Variants in ZSWIM5 observed in about 807,000 individuals in gnomAD.
ZSWIM5 encodes the protein zinc finger SWIM-type containing 5.
In ZSWIM5, 55 loss-of-function variants were observed where a neutral mutation model predicts 119.6. The observed-to-expected ratio is 0.46, with a 90% CI of 0.37 to 0.58. The LOEUF is 0.58. Ranked by LOEUF, ZSWIM5 falls within the 20% of genes least tolerant of loss-of-function variation. The pLI, the probability that ZSWIM5 is intolerant of heterozygous loss-of-function variation, is 0.00. For missense variants in ZSWIM5, 1,193 were observed against 1,512.8 expected (o/e 0.79, Z 3.51); for synonymous variants, 537 against 606.9 (o/e 0.88, Z 1.69).
rs181913915 is a variant in ZSWIM5 at position 45,135,093 on chromosome 1, A to G, written c.596-46856T>C. Among the ~76,000 whole-genome samples the G allele has an allele frequency of 8.6e-5, 13 of 151,128 alleles. No homozygotes were observed. In the East Asian group the frequency reaches 1.2e-3, roughly 14 times the overall value. On this transcript the variant is annotated intron_variant, in intron 1 of 13. Transcript: ENST00000359600. ...GAATTCTTTTGGATATATACTCAGAAATGGGATTGCTAGATCATACGGTAA... is the reference window on the plus strand; with the variant it reads ...GAATTCTTTTGGATATATACTCAGAGATGGGATTGCTAGATCATACGGTAA...
intron 1 of ZSWIM5, among the ~76,000 whole-genome samples, chr1:45,142,955 G>A (rs564404821): frequency 1.9e-4 from 28 of 149,980 alleles, no homozygotes; most frequent in Admixed American, 6.0e-4. Flanking sequence ...CGGGTCACAC[G>A]AGCCCAGGAG....
intron 4 of ZSWIM5, among the ~76,000 whole-genome samples, chr1:45,054,367 G>C (rs1488844763): frequency 1.3e-5 from 2 of 151,942 alleles, no homozygotes; most frequent in Admixed American, 1.3e-4. Context: ...TGGATCACTT[G>C]AGGTCAGGAG....
chr1:45,086,149 C>T (rs561795469), intron 2 of ZSWIM5, among the ~76,000 whole-genome samples: 18 of 152,184 alleles, frequency 1.2e-4, no homozygotes, highest in African/African-American at 3.9e-4. Flanking sequence ...TGGCTGGAGC[C>T]GGAGGAAGAG....
chr1:45,050,505 T>C (rs2148997021), intron 5 of ZSWIM5, among the ~76,000 whole-genome samples: 1 of 152,304 alleles, frequency 6.6e-6, no homozygotes, highest in Non-Finnish European at 1.5e-5. Flanking sequence ...CGAATGCTGA[T>C]GTCAAGTGAT....
chr1:45,126,751 A>C (rs1427152797), intron 1 of ZSWIM5, among the ~76,000 whole-genome samples: 3 of 152,148 alleles, frequency 2.0e-5, no homozygotes, highest in Non-Finnish European at 2.9e-5. Flanking sequence ...AAAAAGGAAA[A>C]AAAAAATGAA....
intron 1 of ZSWIM5, among the ~76,000 whole-genome samples, chr1:45,145,102 A>G (rs1411858063): frequency 6.6e-6 from 1 of 152,196 alleles, no homozygotes; most frequent in African/African-American, 2.4e-5. Context: ...GCAAATTAAA[A>G]TCATTATGAA....
intron 2 of ZSWIM5, among the ~76,000 whole-genome samples, chr1:45,071,454 CTTTTTT>C (rs58028758): frequency 3.2e-5 from 3 of 93,752 alleles, no homozygotes; most frequent in African/African-American, 8.4e-5. Flanking sequence ...GACAGAATCT[CTTTTTT>C]TTTTTTTTTT....
intron 1 of ZSWIM5, among the ~76,000 whole-genome samples, chr1:45,131,464 C>G (rs2149030839): frequency 6.6e-6 from 1 of 152,218 alleles, no homozygotes; most frequent in African/African-American, 2.4e-5. Flanking sequence ...TGGCTCATGT[C>G]TGTAATTCTA....
intron 11 of ZSWIM5, among the ~76,000 whole-genome samples, chr1:45,026,388 T>C (rs1476786178): frequency 1.3e-5 from 2 of 151,842 alleles, no homozygotes; most frequent in Non-Finnish European, 2.9e-5. Context: ...GCAGTTCTCC[T>C]CTATTCCTAG....
intron 1 of ZSWIM5, among the ~76,000 whole-genome samples, chr1:45,184,963 CA>C (rs1414701691): frequency 2.0e-5 from 3 of 152,122 alleles, no homozygotes; most frequent in African/African-American, 7.2e-5. Flanking sequence ...GCCAAAAGAA[CA>C]AAGCTGGAGG....
chr1:45,109,724 G>A (rs959461980), intron 1 of ZSWIM5, among the ~76,000 whole-genome samples: 1 of 142,302 alleles, frequency 7.0e-6, no homozygotes, highest in East Asian at 2.0e-4. Context: ...CATCCTGGGC[G>A]ACAGAGCTAG....
At chr1:45,068,840 T>C (rs72888922) in intron 2 of ZSWIM5, among the ~76,000 whole-genome samples, 5,879 of 135,110 alleles carry the variant, frequency 0.044, 463 homozygotes, top group African/African-American at 0.16. Context: ...GATCTTTGTC[T>C]TCCAGGCTGG....
chr1:45,081,402 ACC>A (rs1310353252), intron 2 of ZSWIM5, among the ~76,000 whole-genome samples: 1 of 151,686 alleles, frequency 6.6e-6, no homozygotes, highest in East Asian at 1.9e-4. Flanking sequence ...GCTCACTGCA[ACC>A]TCCCTGCCTG....
intron 2 of ZSWIM5, among the ~76,000 whole-genome samples, chr1:45,070,841 A>C (rs1159588656): frequency 1.3e-5 from 2 of 152,212 alleles, no homozygotes; most frequent in Non-Finnish European, 2.9e-5. Context: ...GTTTTCAATC[A>C]ACAAACACTT....
chr1:45,128,938 A>G (rs1159985332), intron 1 of ZSWIM5, among the ~76,000 whole-genome samples: 1 of 152,132 alleles, frequency 6.6e-6, no homozygotes, highest in Non-Finnish European at 1.5e-5. Flanking sequence ...TATGCATTCA[A>G]AGTTCCTGCA....
At chr1:45,165,748 C>T (rs979637659) in intron 1 of ZSWIM5, among the ~76,000 whole-genome samples, 9 of 151,922 alleles carry the variant, frequency 5.9e-5, no homozygotes, top group African/African-American at 2.2e-4. Context: ...ACACATACAC[C>T]CTCCCAAGAC....
At chr1:45,144,799 A>G (rs1336708514) in intron 1 of ZSWIM5, among the ~76,000 whole-genome samples, 5 of 152,154 alleles carry the variant, frequency 3.3e-5, no homozygotes, top group African/African-American at 1.2e-4. Flanking sequence ...GACTCCATAA[A>G]AGAAGAAACT....
chr1:45,169,050 GCTAACTTTCCA>G (rs1187296948), intron 1 of ZSWIM5, among the ~76,000 whole-genome samples: 1 of 152,032 alleles, frequency 6.6e-6, no homozygotes, highest in Non-Finnish European at 1.5e-5. Flanking sequence ...TCTGGCTCAA[GCTAACTTTCCA>G]CTATCAATGC....
At chr1:45,155,465 G>A (rs1645821421) in intron 1 of ZSWIM5, among the ~76,000 whole-genome samples, 1 of 152,112 alleles carries the variant, frequency 6.6e-6, no homozygotes, top group Non-Finnish European at 1.5e-5. Flanking sequence ...ATGAAAAACA[G>A]TGTGGAGACT....
Sources: allele counts gnomAD v4.1 joint callset (sites outside exome capture counted in the v4.1 genomes callset), GRCh38; gene constraint gnomAD v4.1.1; transcripts MANE v1.5; gene names NCBI Gene and HGNC (gene_info 2026-07-23, HGNC 2026-07-21).